Variants in IQCH observed in about 807,000 individuals in gnomAD.
IQCH encodes the protein IQ motif containing H.
In IQCH, 98 loss-of-function variants were observed where a neutral mutation model predicts 117.0. The observed-to-expected ratio is 0.84, with a 90% CI of 0.71 to 0.99. IQCH has a LOEUF of 0.99. IQCH is among the 50% of genes least tolerant of loss of function. IQCH has a pLI of 0.00. For synonymous variants in IQCH, 412 were observed against 448.2 expected (o/e 0.92, Z 1.02); for missense variants, 1,102 against 1,243.8 (o/e 0.89, Z 1.72).
intron 16 of IQCH, among the ~76,000 whole-genome samples, chr15:67,462,092 G>A (rs1027258816): frequency 6.6e-6 from 1 of 151,440 alleles, no homozygotes; most frequent in African/African-American, 2.4e-5. Flanking sequence ...GCCTCCCAAA[G>A]TGCTGAAGTT....
At chr15:67,451,239 T>C (rs533942335) in intron 16 of IQCH, among the ~76,000 whole-genome samples, 20 of 152,346 alleles carry the variant, frequency 1.3e-4, no homozygotes, top group African/African-American at 4.8e-4. Context: ...TCTGCTCTGC[T>C]CTTAGTTATT....
chr15:67,456,893 G>T lies in IQCH; in HGVS notation c.2506-8234G>T, dbSNP rs933716966. Among the ~76,000 whole-genome samples the T allele has an allele frequency of 6.6e-6, 1 of 152,166 alleles. No individual in the cohort carries two copies. The highest frequency in any genetic ancestry group is 2.4e-5 in the African/African-American group (1 of 41,444). On this transcript the variant is annotated intron_variant, in intron 16 of 20. Coordinates refer to ENST00000335894, the MANE Select transcript of IQCH (RefSeq NM_001031715.3). The surrounding 1 kb of genome is among the most constrained non-coding windows in gnomAD (Gnocchi z 5.1). ...CTCCAAACACCCCATAGAAGGCAGT[G>T]TCCAAGGGGATTGGTACAGAGATGG...
intron 4 of IQCH, among the ~76,000 whole-genome samples, chr15:67,326,096 C>G (rs1318177412): frequency 3.3e-5 from 5 of 152,140 alleles, no homozygotes; most frequent in Non-Finnish European, 5.9e-5. Context: ...GGGTGTATCT[C>G]CTAATGCTGT....
At chr15:67,271,458 T>G (rs758780488) in intron 3 of IQCH, among the ~76,000 whole-genome samples, 1 of 152,084 alleles carries the variant, frequency 6.6e-6, no homozygotes, top group Non-Finnish European at 1.5e-5. Context: ...CTTCTCTTCA[T>G]TTTTTTTGAA....
chr15:67,461,681 G>T (rs184523689), intron 16 of IQCH, among the ~76,000 whole-genome samples: 57 of 152,338 alleles, frequency 3.7e-4, no homozygotes, highest in African/African-American at 1.3e-3. Context: ...AAGCATTTCA[G>T]CTCTAGAAAC....
intron 20 of IQCH, among the ~76,000 whole-genome samples, chr15:67,497,589 G>T (rs768544437): frequency 2.6e-5 from 4 of 152,110 alleles, no homozygotes; most frequent in African/African-American, 9.7e-5. Flanking sequence ...TGCCTTCTGG[G>T]TTCAAGCAAT....
intron 4 of IQCH, among the ~76,000 whole-genome samples, chr15:67,288,567 CT>C (rs1246977840): frequency 9.2e-5 from 14 of 151,998 alleles, no homozygotes; most frequent in African/African-American, 3.1e-4. Flanking sequence ...GCTACTCCTG[CT>C]CTTTTTTGGT....
chr15:67,372,846 A>C (rs1970597358), intron 9 of IQCH, among the ~76,000 whole-genome samples, 184 bp downstream of exon 9: 1 of 152,006 alleles, frequency 6.6e-6, no homozygotes, highest in African/African-American at 2.4e-5. Context: ...TGTGCATCAT[A>C]GTTTAGCCCT....
At chr15:67,367,370 C>A (rs1970370168) in intron 8 of IQCH, among the ~76,000 whole-genome samples, 1 of 151,890 alleles carries the variant, frequency 6.6e-6, no homozygotes, top group East Asian at 1.9e-4. Flanking sequence ...ACCCTTATCT[C>A]TACAAAAAAA....
chr15:67,411,504 G>A lies in IQCH; in HGVS notation c.2098-5427G>A, dbSNP rs1282363456. 6.6e-6 allele frequency among the ~76,000 whole-genome samples: 1 copy of A among 152,176 alleles called. No individual in the cohort carries two copies. The highest frequency in any genetic ancestry group is 2.4e-5 in the African/African-American group (1 of 41,438). ...GCATCTAGAAATCAGAACCATGTAGGCAGGTCCCTTGATTTTCTTTTGAAC... is the reference window on the plus strand; with the variant it reads ...GCATCTAGAAATCAGAACCATGTAGACAGGTCCCTTGATTTTCTTTTGAAC... On this transcript the variant is annotated intron_variant, in intron 14 of 20. Coordinates refer to ENST00000335894, the MANE Select transcript of IQCH (RefSeq NM_001031715.3). This position sits in a 1 kb window ranked among gnomAD's most constrained non-coding sequence, Gnocchi z 4.4.
rs1596298404 is a variant in IQCH, at chr15:67,387,933, A to G, written c.1457-898A>G. ...ACGTTTACAGTGCTCCCTCCTCTGA[A>G]CTTCTCTAAGTACCTGGTCTGCATG... On this transcript the variant is annotated intron_variant, in intron 11 of 20. Transcript: ENST00000335894. The surrounding 1 kb of genome is among the most constrained non-coding windows in gnomAD (Gnocchi z 4.8). Among the ~76,000 whole-genome samples the G allele has an allele frequency of 6.6e-6, 1 of 152,164 alleles. No homozygotes were observed. Among genetic ancestry groups the G allele is most frequent in the East Asian group, 1.9e-4 (1 of 5,192 alleles).
In IQCH at chr15:67,454,262, A is replaced by G. The variant is rs565424855; in HGVS notation, c.2506-10865A>G. ...CTGCGCCTACTGTCTGGCACTCCCC[A>G]GTGAGATGAACCCGGTACCTCAGTT... On this transcript the variant is annotated intron_variant, in intron 16 of 20. Coordinates refer to ENST00000335894, the MANE Select transcript of IQCH (RefSeq NM_001031715.3). This position sits in a 1 kb window ranked among gnomAD's most constrained non-coding sequence, Gnocchi z 5.2. Among the ~76,000 whole-genome samples, 339 of 152,280 alleles carry G rather than the reference A, an allele frequency of 2.2e-3. 1 individual carries two copies. Among genetic ancestry groups the G allele is most frequent in the African/African-American group, 7.8e-3 (324 of 41,562 alleles).
intron 16 of IQCH, among the ~76,000 whole-genome samples, chr15:67,452,198 T>G (rs1266141471): frequency 1.3e-5 from 2 of 152,232 alleles, no homozygotes; most frequent in East Asian, 3.8e-4. Context: ...TCTGTGTCTT[T>G]TAATTGGAGC....
rs570028002 is a variant in IQCH, at chr15:67,394,238, C to A, written c.1633-1053C>A. Among the ~76,000 whole-genome samples the A allele has an allele frequency of 2.0e-5, 3 of 152,320 alleles. No individual in the cohort carries two copies. The South Asian group carries it at 6.2e-4, about 32-fold the overall frequency. On this transcript the variant is annotated intron_variant, in intron 12 of 20. Coordinates refer to ENST00000335894, the MANE Select transcript of IQCH (RefSeq NM_001031715.3). ...AATTCACCTCAACCCCAACCTCTTT[C>A]ATAATAATAGTACTAGCTAACATTC...
At chr15:67,257,203 G>A (rs1260004361) in intron 1 of IQCH, among the ~76,000 whole-genome samples, 1 of 152,206 alleles carries the variant, frequency 6.6e-6, no homozygotes, top group Non-Finnish European at 1.5e-5. Context: ...AGGACATATA[G>A]TTTGGATTAG....
chr15:67,439,084 T>TC (rs2140960518), intron 16 of IQCH, among the ~76,000 whole-genome samples: 1 of 152,294 alleles, frequency 6.6e-6, no homozygotes, highest in African/African-American at 2.4e-5. Context: ...GAACATTTCA[T>TC]CCAACAACTG....
chr15:67,261,149 T>A, intron 1 of IQCH, 123 bp from the exon 2 acceptor site: 1 of 539,464 alleles, frequency 1.9e-6, no homozygotes, highest in Non-Finnish European at 3.1e-6. Context: ...TTTCAATGAA[T>A]ACCATAAAAT....
chr15:67,443,440 G>C lies in IQCH; in HGVS notation c.2506-21687G>C, dbSNP rs2082326771. 6.6e-6 allele frequency among the ~76,000 whole-genome samples: 1 copy of C among 151,840 alleles called. No individual in the cohort carries two copies. Among genetic ancestry groups the C allele is most frequent in the African/African-American group, 2.4e-5 (1 of 41,312 alleles). Reference sequence around the variant, plus strand: ...GGGACTTGGGGGAAAGAGTGGGAGGGGGTGAGGGACAAAAGACCACAAATA... The same window carrying C: ...GGGACTTGGGGGAAAGAGTGGGAGGCGGTGAGGGACAAAAGACCACAAATA... On this transcript the variant is annotated intron_variant, in intron 16 of 20. Coordinates refer to ENST00000335894, the MANE Select transcript of IQCH (RefSeq NM_001031715.3). The surrounding 1 kb of genome is among the most constrained non-coding windows in gnomAD (Gnocchi z 5.0).
In IQCH at chr15:67,400,107, C is replaced by A. The variant is rs766435379; in HGVS notation, c.1906-7C>A. ...TATTAAATGCAGCTGTGTCTTTGGCCTCACAGATGATAGAGCAGCTGAGTC... is the reference window on the plus strand; with the variant it reads ...TATTAAATGCAGCTGTGTCTTTGGCATCACAGATGATAGAGCAGCTGAGTC... On this transcript the variant is annotated splice_polypyrimidine_tract_variant and splice_region_variant and intron_variant, in intron 13 of 20. Coordinates refer to ENST00000335894, the MANE Select transcript of IQCH (RefSeq NM_001031715.3). The A allele has an allele frequency of 1.2e-6, 2 of 1,611,838 alleles. No homozygotes were observed. Among genetic ancestry groups the A allele is most frequent in the East Asian group, 2.2e-5 (1 of 44,790 alleles).
Sources: allele counts gnomAD v4.1 joint callset (sites outside exome capture counted in the v4.1 genomes callset), GRCh38; gene constraint gnomAD v4.1.1; non-coding constraint Gnocchi (gnomAD v3.1); transcripts MANE v1.5; gene names NCBI Gene and HGNC (gene_info 2026-07-23, HGNC 2026-07-21).